The following TDRD5 variants were observed in gnomAD, a reference collection of about 807,000 sequenced individuals.
TDRD5 encodes the protein tudor domain containing 5, also known as tudor domain-containing protein 5.
TDRD5 carries 41 observed loss-of-function variants against 120.6 expected under a neutral mutation model. The observed-to-expected ratio is 0.34, with a 90% CI of 0.26 to 0.44. The LOEUF is 0.44. Ranked by LOEUF, TDRD5 falls within the 20% of genes least tolerant of loss-of-function variation. The probability of loss-of-function intolerance (pLI) is 1.00; values close to 1 mark genes in which losing one functional copy is unlikely to be tolerated. For missense variants in TDRD5, 1,006 were observed against 1,221.2 expected, an observed-to-expected ratio of 0.82 and a Z score of 2.63; for synonymous variants, 430 against 433.7, an observed-to-expected ratio of 0.99 and a Z score of 0.11.
chr1:179,598,856 G>A (rs1675547397), intron 4 of TDRD5, among the ~76,000 whole-genome samples: 1 of 151,840 alleles, frequency 6.6e-6, no homozygotes, highest in South Asian at 2.1e-4. Context: ...CAATCTATCT[G>A]CCTTTCCTCC....
chr1:179,640,332 A>G (rs972495563), intron 10 of TDRD5, 47 bp from the exon 11 acceptor site: 1 of 1,600,540 alleles, frequency 6.2e-7, no homozygotes, highest in East Asian at 2.2e-5. Context: ...AGGTGCATTT[A>G]TATATAGCAG....
At chr1:179,661,172 A>G (rs1377609310) in intron 14 of TDRD5, among the ~76,000 whole-genome samples, 1 of 152,098 alleles carries the variant, frequency 6.6e-6, no homozygotes, top group Non-Finnish European at 1.5e-5. Flanking sequence ...CTTTAGGTTT[A>G]TCCAGTTTGG....
intron 4 of TDRD5, among the ~76,000 whole-genome samples, chr1:179,600,069 T>A (rs1675625185): frequency 6.6e-6 from 1 of 152,208 alleles, no homozygotes; most frequent in African/African-American, 2.4e-5. Flanking sequence ...TCAGGAAGTA[T>A]TCCAGAAGGA....
intron 17 of TDRD5, among the ~76,000 whole-genome samples, chr1:179,677,663 C>A (rs1460607869): frequency 6.6e-6 from 1 of 152,120 alleles, no homozygotes; most frequent in Admixed American, 6.5e-5. Context: ...GGGCTCTGGG[C>A]TGGTACTGGG....
At chr1:179,690,427 G>A (rs1179624726) in intron 17 of TDRD5, among the ~76,000 whole-genome samples, 26 of 152,118 alleles carry the variant, frequency 1.7e-4, no homozygotes, top group Admixed American at 1.6e-3. Context: ...TAGAAATAAG[G>A]CATCCCTTCG....
In TDRD5 at chr1:179,609,011, T is replaced by C. The variant is rs146460192; in HGVS notation, c.832-9588T>C. Among the ~76,000 whole-genome samples, 1,043 of 152,184 alleles carry C rather than the reference T, an allele frequency of 6.9e-3. 12 individuals are homozygous for C. Among genetic ancestry groups the C allele is most frequent in the Non-Finnish European group, 0.01 (694 of 67,982 alleles). On this transcript the variant is annotated intron_variant, in intron 4 of 17. Transcript: ENST00000444136. ...GGAGATGGGGTCTTTAGGAAGTAAT[T>C]AAAGTTAGATTAGGTTATGAAGGTG...
chr1:179,621,418 C>G (rs1347843189), intron 6 of TDRD5, among the ~76,000 whole-genome samples: 1 of 152,016 alleles, frequency 6.6e-6, no homozygotes, highest in Non-Finnish European at 1.5e-5. Context: ...ACAAAATGCT[C>G]TTAGGGAGCA....
intron 7 of TDRD5, among the ~76,000 whole-genome samples, chr1:179,631,215 C>T (rs1186908341): frequency 6.6e-6 from 1 of 152,028 alleles, no homozygotes; most frequent in East Asian, 1.9e-4. Flanking sequence ...CACAGTGAAA[C>T]CCCGTCTCTA....
intron 17 of TDRD5, among the ~76,000 whole-genome samples, chr1:179,682,216 CTG>C (rs925313777): frequency 7.3e-5 from 11 of 151,220 alleles, no homozygotes; most frequent in African/African-American, 2.2e-4. Flanking sequence ...ATGCCAGACA[CTG>C]TGAATTTTAC....
Position 179,669,944 on chromosome 1 carries a change from A to G in TDRD5, c.2860+540A>G, listed in dbSNP as rs545656344. ...AAAGTTGCTCCTATTTATTTGCTGAATAGTATTCAGTTACATGGATATACC... is the reference window on the plus strand; with the variant it reads ...AAAGTTGCTCCTATTTATTTGCTGAGTAGTATTCAGTTACATGGATATACC... On this transcript the variant is annotated intron_variant, in intron 17 of 17. Coordinates refer to ENST00000444136, the MANE Select transcript of TDRD5 (RefSeq NM_001199085.3). Among the ~76,000 whole-genome samples, 5 of 152,346 alleles carry G rather than the reference A, an allele frequency of 3.3e-5. No individual in the cohort carries two copies. In the East Asian group the frequency reaches 9.6e-4, roughly 29 times the overall value.
intron 4 of TDRD5, among the ~76,000 whole-genome samples, chr1:179,615,592 A>G (rs1381617010): frequency 6.6e-6 from 1 of 152,004 alleles, no homozygotes; most frequent in East Asian, 1.9e-4. Context: ...TGTTTGATGT[A>G]TAGCATCTGA....
At chr1:179,597,610 G>A (rs113943263) in intron 4 of TDRD5, among the ~76,000 whole-genome samples, 7,111 of 152,234 alleles carry the variant, frequency 0.047, 263 homozygotes, top group Non-Finnish European at 0.069. Context: ...GATTGCAGAT[G>A]TGAGCCACCA....
Position 179,682,776 on chromosome 1 carries a change from A to C in TDRD5, c.2861-7920A>C, listed in dbSNP as rs551877628. 4.6e-5 allele frequency among the ~76,000 whole-genome samples: 7 copies of C among 151,442 alleles called. 1 individual carries two copies. The South Asian group carries it at 1.5e-3, about 31-fold the overall frequency. On this transcript the variant is annotated intron_variant, in intron 17 of 17. Transcript: ENST00000444136. ...TAGGTCTGGTTTGGCTCTGCTATTTAGGCAATACCTAATACCTTCTGAGAT... is the reference window on the plus strand; with the variant it reads ...TAGGTCTGGTTTGGCTCTGCTATTTCGGCAATACCTAATACCTTCTGAGAT...
At chr1:179,641,860 G>A (rs116402810) in intron 11 of TDRD5, among the ~76,000 whole-genome samples, 1,529 of 152,186 alleles carry the variant, frequency 0.01, 31 homozygotes, top group African/African-American at 0.034. Flanking sequence ...AACTGATTCT[G>A]ATTTTTGACT....
At chr1:179,625,689 T>A (rs934070818) in intron 6 of TDRD5, among the ~76,000 whole-genome samples, 3 of 152,216 alleles carry the variant, frequency 2.0e-5, no homozygotes, top group Non-Finnish European at 4.4e-5. Flanking sequence ...CAAAGACTTA[T>A]ATGATAGTAT....
intron 17 of TDRD5, among the ~76,000 whole-genome samples, chr1:179,678,709 T>A (rs1680267443): frequency 6.6e-6 from 1 of 152,260 alleles, no homozygotes; most frequent in Non-Finnish European, 1.5e-5. Flanking sequence ...CAATTTTTTT[T>A]ATTACTGGTA....
In TDRD5 at chr1:179,662,210, A is replaced by T; in HGVS notation, c.2429A>T (p.Asp810Val). 1.2e-6 allele frequency: 2 copies of T among 1,612,154 alleles called. No individual in the cohort carries two copies. Among genetic ancestry groups the T allele is most frequent in the Non-Finnish European group, 1.7e-6 (2 of 1,179,284 alleles). The part of the protein sequence containing the change: ...PLQAKMGKGG[D>V]AASHLFTASL... ...CAGGCTAAGATGGGAAAAGGAGGTGATGCTGCCTCCCATCTATTTACTGCA... is the reference window on the plus strand; with the variant it reads ...CAGGCTAAGATGGGAAAAGGAGGTGTTGCTGCCTCCCATCTATTTACTGCA... Residue 810 changes from aspartate to valine, a missense_variant, in exon 15 of 18, where the codon GAT becomes GTT. This residue lies in a region of TDRD5 where 403 missense variants were observed against 448.1 expected (regional missense o/e 0.90). Coordinates refer to ENST00000444136, the MANE Select transcript of TDRD5 (RefSeq NM_001199085.3).
At chr1:179,657,884 C>A (rs1679091953) in intron 14 of TDRD5, among the ~76,000 whole-genome samples, 2 of 152,142 alleles carry the variant, frequency 1.3e-5, no homozygotes, top group Admixed American at 1.3e-4. Context: ...ACTCTCCTGG[C>A]AATTTTTAAG....
chr1:179,614,595 ACACT>A (rs895006474), intron 4 of TDRD5, among the ~76,000 whole-genome samples: 1 of 152,028 alleles, frequency 6.6e-6, no homozygotes, highest in African/African-American at 2.4e-5. Flanking sequence ...GTTTCAGTTG[ACACT>A]CACATAGATT....
Sources: allele counts gnomAD v4.1 joint callset (sites outside exome capture counted in the v4.1 genomes callset), GRCh38; gene constraint gnomAD v4.1.1; regional missense constraint gnomAD v4.1.1; transcripts MANE v1.5; gene names NCBI Gene and HGNC (gene_info 2026-07-23, HGNC 2026-07-21).